Variants in GRID1 observed in about 807,000 individuals in gnomAD.
GRID1 encodes glutamate ionotropic receptor delta type subunit 1.
A neutral mutation model predicts 98.0 loss-of-function variants in GRID1; 28 were observed. The ratio of observed to expected loss-of-function variants is 0.29; its 90% CI spans 0.21 to 0.39. GRID1 has a LOEUF of 0.39. Ranked by LOEUF, GRID1 falls within the 10% of genes least tolerant of loss-of-function variation. The pLI, the probability that GRID1 is intolerant of heterozygous loss-of-function variation, is 1.00. For missense variants in GRID1, 1,111 were observed against 1,340.5 expected, an observed-to-expected ratio of 0.83 and a Z score of 2.67; for synonymous variants, 553 against 538.5, an observed-to-expected ratio of 1.03 and a Z score of -0.37.
intron 6 of GRID1, 85 bp from the exon 7 acceptor site, chr10:85,856,275 C>A: frequency 8.1e-7 from 1 of 1,232,432 alleles, no homozygotes; most frequent in South Asian, 1.3e-5. Context: ...AGGAGGAATG[C>A]AGGATGCCAA....
chr10:86,322,081 C>T (rs368611372), intron 2 of GRID1, among the ~76,000 whole-genome samples: 6 of 151,938 alleles, frequency 3.9e-5, no homozygotes, highest in African/African-American at 1.2e-4. Flanking sequence ...CCATTTAAAA[C>T]GAATGAACTA....
intron 2 of GRID1, among the ~76,000 whole-genome samples, chr10:86,356,221 G>C (rs988731193): frequency 6.6e-6 from 1 of 152,204 alleles, no homozygotes; most frequent in African/African-American, 2.4e-5. Flanking sequence ...GGGACAAGTC[G>C]CTGAGTACAC....
At chr10:86,019,244 ATCCCC>A in intron 4 of GRID1, among the ~76,000 whole-genome samples, 1 of 152,342 alleles carries the variant, frequency 6.6e-6, no homozygotes, top group Non-Finnish European at 1.5e-5. Flanking sequence ...GCACACCCGC[ATCCCC>A]AGCGCTGACA....
At chr10:86,045,487 C>A (rs911878334) in intron 4 of GRID1, among the ~76,000 whole-genome samples, 1 of 152,202 alleles carries the variant, frequency 6.6e-6, no homozygotes, top group African/African-American at 2.4e-5. Context: ...AGGGCAACAA[C>A]AGACGAGTCA....
intron 4 of GRID1, among the ~76,000 whole-genome samples, chr10:86,073,807 A>G (rs966244135): frequency 1.3e-5 from 2 of 152,100 alleles, no homozygotes; most frequent in African/African-American, 4.8e-5. Context: ...AAAAGAAGAG[A>G]CCCACATGCC....
At chr10:86,296,688 A>C (rs1419321402) in intron 2 of GRID1, among the ~76,000 whole-genome samples, 1 of 152,164 alleles carries the variant, frequency 6.6e-6, no homozygotes, top group African/African-American at 2.4e-5. Context: ...GCAGCGAATC[A>C]AGATTGCACC....
chr10:86,257,943 C>T (rs986524455), intron 2 of GRID1, among the ~76,000 whole-genome samples: 1 of 152,186 alleles, frequency 6.6e-6, no homozygotes, highest in Non-Finnish European at 1.5e-5. Context: ...CTCAGCAGCA[C>T]CAACAGCAAT....
intron 2 of GRID1, among the ~76,000 whole-genome samples, chr10:86,341,610 T>A (rs10509530): frequency 6.6e-6 from 1 of 152,052 alleles, no homozygotes; most frequent in Admixed American, 6.5e-5. Context: ...ACAGACACAC[T>A]GAGAGAACAT....
chr10:86,133,269 A>G (rs1468397661), intron 4 of GRID1, among the ~76,000 whole-genome samples: 2 of 152,130 alleles, frequency 1.3e-5, no homozygotes, highest in African/African-American at 2.4e-5. Flanking sequence ...GTCTGGTTGT[A>G]CCAGTGTATG....
intron 4 of GRID1, among the ~76,000 whole-genome samples, chr10:86,117,373 C>A (rs1375743490): frequency 6.6e-6 from 1 of 151,878 alleles, no homozygotes; most frequent in Non-Finnish European, 1.5e-5. Context: ...CAATCACCAA[C>A]ACCATCATGA....
intron 5 of GRID1, among the ~76,000 whole-genome samples, chr10:85,880,092 T>C (rs1040866654): frequency 2.0e-5 from 3 of 152,216 alleles, no homozygotes; most frequent in Non-Finnish European, 4.4e-5. Flanking sequence ...AATCTCTGAA[T>C]AGACCAATAA....
chr10:86,105,509 G>A (rs753234859), intron 4 of GRID1, among the ~76,000 whole-genome samples: 21 of 152,166 alleles, frequency 1.4e-4, no homozygotes, highest in Non-Finnish European at 1.8e-4. Context: ...CCACACTTGA[G>A]TCCTAGCCTT....
intron 8 of GRID1, among the ~76,000 whole-genome samples, chr10:85,828,295 G>T (rs1028625420): frequency 2.0e-5 from 3 of 151,894 alleles, no homozygotes; most frequent in African/African-American, 4.8e-5. Flanking sequence ...TAAAGCAGTG[G>T]TAAGAGGAAA....
chr10:86,222,145 TC>T (rs1846265311), intron 2 of GRID1, among the ~76,000 whole-genome samples: 1 of 152,150 alleles, frequency 6.6e-6, no homozygotes, highest in Non-Finnish European at 1.5e-5. Context: ...CATGGCATCC[TC>T]CCAGGCCTAG....
intron 8 of GRID1, among the ~76,000 whole-genome samples, chr10:85,843,074 A>T (rs1163250534): frequency 6.6e-6 from 1 of 152,082 alleles, no homozygotes; most frequent in African/African-American, 2.4e-5. Context: ...TAATCAAGAC[A>T]GGGTCATAAA....
intron 12 of GRID1, among the ~76,000 whole-genome samples, chr10:85,703,172 C>A (rs945331760): frequency 4.6e-5 from 7 of 152,004 alleles, no homozygotes; most frequent in Non-Finnish European, 1.0e-4. Context: ...ATATTATATA[C>A]AGATATGTTT....
intron 8 of GRID1, among the ~76,000 whole-genome samples, chr10:85,776,613 C>T (rs1842333921): frequency 1.3e-5 from 2 of 152,148 alleles, no homozygotes; most frequent in African/African-American, 4.8e-5. Context: ...GGAAGCCACA[C>T]CTTAGAATGG....
chr10:86,015,205 G>A (rs1312457421), intron 4 of GRID1, among the ~76,000 whole-genome samples: 1 of 152,198 alleles, frequency 6.6e-6, no homozygotes, highest in Non-Finnish European at 1.5e-5. Flanking sequence ...CCCTAGAACT[G>A]TGCCAGTTCC....
intron 8 of GRID1, among the ~76,000 whole-genome samples, chr10:85,739,245 G>A (rs140952840): frequency 3.3e-5 from 5 of 152,072 alleles, no homozygotes; most frequent in African/African-American, 7.2e-5. Context: ...ATGACTAAAC[G>A]ATGACCTATT....
Sources: allele counts gnomAD v4.1 joint callset (sites outside exome capture counted in the v4.1 genomes callset), GRCh38; gene constraint gnomAD v4.1.1; transcripts MANE v1.5; gene names NCBI Gene and HGNC (gene_info 2026-07-23, HGNC 2026-07-21).